Variants in TMTC2 observed in about 807,000 individuals in gnomAD.
TMTC2 encodes protein O-mannosyl-transferase TMTC2.
In TMTC2, 43 loss-of-function variants were observed where a neutral mutation model predicts 82.4. That is an observed-to-expected ratio of 0.52 (90% CI 0.41 to 0.67). TMTC2 has a LOEUF of 0.67. TMTC2 is among the 30% of genes least tolerant of loss of function. The pLI is 0.00. For synonymous variants in TMTC2, 408 were observed against 381.9 expected, an observed-to-expected ratio of 1.07 and a Z score of -0.80; for missense variants, 919 against 1,012.4, an observed-to-expected ratio of 0.91 and a Z score of 1.25.
intron 3 of TMTC2, among the ~76,000 whole-genome samples, chr12:82,902,538 CTTCACA>C (rs1449360023): frequency 6.6e-6 from 1 of 152,164 alleles, no homozygotes; most frequent in Non-Finnish European, 1.5e-5. Flanking sequence ...TGAGTGACAA[CTTCACA>C]TTCTTTAATG....
At chr12:82,793,578 A>G (rs1215408351) in intron 1 of TMTC2, among the ~76,000 whole-genome samples, 6 of 152,136 alleles carry the variant, frequency 3.9e-5, no homozygotes, top group African/African-American at 1.2e-4. Context: ...ACTCTGTCAA[A>G]TGACACGATT....
At chr12:83,042,630 T>C (rs1881938047) in intron 9 of TMTC2, among the ~76,000 whole-genome samples, 2 of 152,286 alleles carry the variant, frequency 1.3e-5, no homozygotes, top group South Asian at 4.1e-4. Flanking sequence ...TCCCCGCTTC[T>C]TCTTAGCCGG....
chr12:82,924,202 A>G (rs1055633017), intron 3 of TMTC2, among the ~76,000 whole-genome samples: 1 of 152,216 alleles, frequency 6.6e-6, no homozygotes, highest in African/African-American at 2.4e-5. Context: ...TACACCATGG[A>G]GAACTCTGAG....
At chr12:83,056,049 C>A (rs527843015) in intron 10 of TMTC2, among the ~76,000 whole-genome samples, 1 of 151,932 alleles carries the variant, frequency 6.6e-6, no homozygotes, top group East Asian at 1.9e-4. Context: ...TGCTATGATT[C>A]TTGACTTTAT....
chr12:83,067,940 A>G (rs924512359), intron 11 of TMTC2, among the ~76,000 whole-genome samples: 21 of 152,124 alleles, frequency 1.4e-4, no homozygotes, highest in Admixed American at 5.2e-4. Context: ...AGAGAACTTC[A>G]TATATGCATT....
At chr12:83,047,624 GT>G (rs1370335526) in intron 9 of TMTC2, among the ~76,000 whole-genome samples, 2 of 152,160 alleles carry the variant, frequency 1.3e-5, no homozygotes, top group Non-Finnish European at 2.9e-5. Flanking sequence ...TCTAACTGAT[GT>G]GTTGTGATAT....
intron 3 of TMTC2, among the ~76,000 whole-genome samples, chr12:82,925,747 C>T (rs1682575): frequency 0.95 from 145,152 of 152,304 alleles, 69,227 homozygotes; most frequent in East Asian, 1. Flanking sequence ...TTCTGTTTCA[C>T]TGATCAGCCC....
At chr12:82,798,715 G>A (rs1311922297) in intron 1 of TMTC2, among the ~76,000 whole-genome samples, 2 of 150,338 alleles carry the variant, frequency 1.3e-5, no homozygotes, top group African/African-American at 2.5e-5. Context: ...GCTGAGGCAG[G>A]AGAATCGCTT....
chr12:82,845,008 A>G (rs1565775418), intron 1 of TMTC2, among the ~76,000 whole-genome samples: 1 of 151,244 alleles, frequency 6.6e-6, no homozygotes, highest in African/African-American at 2.4e-5. Flanking sequence ...TGGGCGGATC[A>G]CTTGAGGTCA....
intron 1 of TMTC2, among the ~76,000 whole-genome samples, chr12:82,837,421 A>G (rs1294090767): frequency 6.6e-6 from 1 of 152,166 alleles, no homozygotes; most frequent in Non-Finnish European, 1.5e-5. Context: ...TAGCCTGGGT[A>G]ACATAATGAG....
intron 3 of TMTC2, among the ~76,000 whole-genome samples, chr12:82,903,979 G>A (rs1349279379): frequency 6.6e-6 from 1 of 152,160 alleles, no homozygotes; most frequent in African/African-American, 2.4e-5. Context: ...CGGATTGTGT[G>A]ACTGCATCTG....
chr12:82,945,272 T>C (rs1277051575), intron 4 of TMTC2, among the ~76,000 whole-genome samples: 1 of 152,248 alleles, frequency 6.6e-6, no homozygotes, highest in African/African-American at 2.4e-5. Context: ...TGCAAAATTG[T>C]ATTATGTAGA....
chr12:82,752,733 A>T (rs1230393311), intron 1 of TMTC2, among the ~76,000 whole-genome samples: 1 of 151,820 alleles, frequency 6.6e-6, no homozygotes, highest in Non-Finnish European at 1.5e-5. Context: ...CAGAACTTTA[A>T]AGACAAATGT....
chr12:82,995,699 C>G (rs1879587162), intron 8 of TMTC2, among the ~76,000 whole-genome samples: 1 of 152,138 alleles, frequency 6.6e-6, no homozygotes, highest in South Asian at 2.1e-4. Context: ...CTCTTGTTTT[C>G]TTCATCTTAT....
chr12:82,893,903 T>C (rs1873526216), intron 2 of TMTC2, among the ~76,000 whole-genome samples: 1 of 152,168 alleles, frequency 6.6e-6, no homozygotes, highest in Non-Finnish European at 1.5e-5. Flanking sequence ...AGGAGATTAT[T>C]GTAGGAATCC....
chr12:82,962,466 T>G (rs758325498), intron 4 of TMTC2, among the ~76,000 whole-genome samples: 3 of 152,072 alleles, frequency 2.0e-5, no homozygotes, highest in Non-Finnish European at 2.9e-5. Context: ...TAGGTGGGCT[T>G]AGTAGACAAA....
At chr12:82,890,697 A>G (rs891627303) in intron 2 of TMTC2, among the ~76,000 whole-genome samples, 2 of 152,192 alleles carry the variant, frequency 1.3e-5, no homozygotes, top group Non-Finnish European at 2.9e-5. Context: ...TTTGAAAACT[A>G]TCCTTTAAGC....
chr12:83,024,483 T>A (rs1881075233), intron 8 of TMTC2, among the ~76,000 whole-genome samples: 1 of 152,228 alleles, frequency 6.6e-6, no homozygotes, highest in Non-Finnish European at 1.5e-5. Flanking sequence ...GCATTGGTTG[T>A]GAAAAATAAC....
At chr12:83,010,605 C>T (rs938253126) in intron 8 of TMTC2, among the ~76,000 whole-genome samples, 1 of 152,126 alleles carries the variant, frequency 6.6e-6, no homozygotes, top group African/African-American at 2.4e-5. Context: ...AGCCTTCTTC[C>T]CTGGTGATAG....
Sources: gnomAD v4.1 joint callset for allele counts (sites outside exome capture counted in the v4.1 genomes callset) on GRCh38, gnomAD v4.1.1 for gene constraint, MANE v1.5 for transcripts, NCBI Gene and HGNC (gene_info 2026-07-23, HGNC 2026-07-21) for gene names.